Variants in PRRC2B observed in about 807,000 individuals in gnomAD.
PRRC2B encodes the protein protein PRRC2B.
A neutral mutation model predicts 242.3 loss-of-function variants in PRRC2B; 68 were observed. The observed-to-expected ratio is 0.28, with a 90% CI of 0.23 to 0.34. PRRC2B has a LOEUF of 0.34. Among genes scored for constraint, PRRC2B ranks in the 10% least tolerant of loss-of-function variants. The pLI is 1.00. For synonymous variants in PRRC2B, 1,228 were observed against 1,173.6 expected, an observed-to-expected ratio of 1.05 and a Z score of -0.95; for missense variants, 2,835 against 2,954.8, an observed-to-expected ratio of 0.96 and a Z score of 0.94.
At chr9:131,493,863 C>T (rs1004436692) in intron 30 of PRRC2B, among the ~76,000 whole-genome samples, 10 of 151,708 alleles carry the variant, frequency 6.6e-5, no homozygotes, top group African/African-American at 2.4e-4. Context: ...GCTTTTTGAC[C>T]GCAGACTTTT....
Position 131,474,752 on chromosome 9 carries a change from C to G in PRRC2B, c.2623C>G (p.His875Asp), listed in dbSNP as rs1269396640. ...AGAGTGTGGCAGTTGGGATGTTAGC[C>G]ACCAGCCAGAGACCGCTGACACAGC... ...KPECGSWDVS[H>D]QPETADTAHG... is the part of the protein sequence containing the mutation. Residue 875 changes from histidine to aspartate, a missense_variant, in exon 16 of 32, where the codon CAC (histidine) becomes GAC (aspartate). Coordinates refer to ENST00000683519, the MANE Select transcript of PRRC2B (RefSeq NM_013318.4). The G allele has an allele frequency of 6.2e-7, 1 of 1,612,532 alleles. No homozygotes were observed. The highest frequency in any genetic ancestry group is 1.1e-5 in the South Asian group (1 of 90,890).
At chr9:131,404,134 T>C (rs1395723124) in intron 1 of PRRC2B, among the ~76,000 whole-genome samples, 1 of 151,992 alleles carries the variant, frequency 6.6e-6, no homozygotes, top group African/African-American at 2.4e-5. Context: ...TTAAAAATAA[T>C]GTTAGGTTTC....
At chr9:131,478,400 C>T (rs1211385304) in intron 17 of PRRC2B, 74 bp from the exon 18 acceptor site, 12 of 1,412,790 alleles carry the variant, frequency 8.5e-6, no homozygotes, top group African/African-American at 4.3e-5. Flanking sequence ...AGATCTCAGG[C>T]GCCTGTTGAA....
At chr9:131,477,497 A>G (rs1943737788) in intron 16 of PRRC2B, among the ~76,000 whole-genome samples, 1 of 152,076 alleles carries the variant, frequency 6.6e-6, no homozygotes, top group African/African-American at 2.4e-5. Flanking sequence ...TGAACATAGC[A>G]TGTGGGAGAG....
At chr9:131,491,234 C>T (rs533513617) in intron 28 of PRRC2B, 191 bp from the exon 29 acceptor site, 137 of 552,036 alleles carry the variant, frequency 2.5e-4, no homozygotes, top group Non-Finnish European at 3.8e-4. Flanking sequence ...CCTCTGCCAT[C>T]GAAGGTGTGA....
intron 14 of PRRC2B, among the ~76,000 whole-genome samples, chr9:131,471,898 T>C (rs561029882): frequency 6.6e-6 from 1 of 152,338 alleles, no homozygotes; most frequent in South Asian, 2.1e-4. Flanking sequence ...TCATTGCAAG[T>C]TTTTATCCCT....
At chr9:131,406,879 C>CT (rs1554757610) in intron 1 of PRRC2B, among the ~76,000 whole-genome samples, 1 of 152,154 alleles carries the variant, frequency 6.6e-6, no homozygotes, top group Non-Finnish European at 1.5e-5. Context: ...TCCTTCTTCC[C>CT]TGCTGTTTCT....
chr9:131,439,115 T>A, intron 5 of PRRC2B, 54 bp downstream of exon 5: 4 of 1,405,746 alleles, frequency 2.8e-6, no homozygotes, highest in Non-Finnish European at 4.0e-6. Context: ...GGGAGGTGAA[T>A]GCCTTTTCCA....
chr9:131,470,916 C>T lies in PRRC2B; in HGVS notation c.2040C>T (p.Tyr680=). 1 of 1,611,622 alleles carries T rather than the reference C, an allele frequency of 6.2e-7. No homozygotes were observed. The highest frequency in any genetic ancestry group is 8.5e-7 in the Non-Finnish European group (1 of 1,178,558). The part of the protein sequence containing the change: ...FDPRWMMMPS[Y]MDPRITPTRT... ...CCAGGTGGATGATGATGCCTTCCTACATGGACCCACGTATCACGCCCACTC... is the reference window on the plus strand; with the variant it reads ...CCAGGTGGATGATGATGCCTTCCTATATGGACCCACGTATCACGCCCACTC... Residue 680 remains tyrosine, a synonymous_variant, in exon 14 of 32, where the codon TAC becomes TAT. Transcript: ENST00000683519.
intron 1 of PRRC2B, among the ~76,000 whole-genome samples, chr9:131,403,200 C>CGACCT (rs1178401109): frequency 6.6e-6 from 1 of 152,138 alleles, no homozygotes; most frequent in Admixed American, 6.5e-5. Flanking sequence ...CCTGCCCAAC[C>CGACCT]GACCTGTCGG....
At chr9:131,416,135 G>A (rs953468356) in intron 1 of PRRC2B, among the ~76,000 whole-genome samples, 1 of 149,728 alleles carries the variant, frequency 6.7e-6, no homozygotes, top group African/African-American at 2.5e-5. Context: ...TTAAGACAGT[G>A]TCTTGCTCTG....
chr9:131,475,665 G>T lies in PRRC2B; in HGVS notation c.3536G>T (p.Arg1179Leu), dbSNP rs932411062. ...AAGGGCGACTGCAGAGATTCTTGGC[G>T]GTCCAACAAGGGGTGCTCTGAGGAC... Reference protein sequence around the residue: ...LKKGDCRDSWRSNKGCSEDHS... With the variant: ...LKKGDCRDSWLSNKGCSEDHS... Residue 1179 changes from arginine to leucine, a missense_variant, in exon 16 of 32, where the codon CGG (arginine) becomes CTG (leucine). By Grantham distance (102) the Arg-to-Leu change is moderately radical (BLOSUM62 -2). Coordinates refer to ENST00000683519, the MANE Select transcript of PRRC2B (RefSeq NM_013318.4). 1 of 1,611,004 alleles carries T rather than the reference G, an allele frequency of 6.2e-7. No homozygotes were observed. The highest frequency in any genetic ancestry group is 8.5e-7 in the Non-Finnish European group (1 of 1,178,536).
intron 8 of PRRC2B, 23 bp from the exon 9 acceptor site, chr9:131,447,639 T>G (rs2131390453): frequency 6.4e-7 from 1 of 1,568,154 alleles, no homozygotes; most frequent in East Asian, 2.3e-5. Context: ...TGGACATGAT[T>G]CCATCATCTT....
At chr9:131,443,147 T>C (rs1334571693) in intron 5 of PRRC2B, among the ~76,000 whole-genome samples, 1 of 151,454 alleles carries the variant, frequency 6.6e-6, no homozygotes, top group Non-Finnish European at 1.5e-5. Flanking sequence ...TTATTTTTTT[T>C]TTTTGAGACG....
intron 1 of PRRC2B, among the ~76,000 whole-genome samples, chr9:131,416,758 C>T (rs115712657): frequency 0.018 from 2,690 of 151,946 alleles, 84 homozygotes; most frequent in African/African-American, 0.061. Flanking sequence ...GAATGTTCCT[C>T]GATTTGGGAT....
chr9:131,488,624 C>T (rs1478855623), intron 28 of PRRC2B, among the ~76,000 whole-genome samples: 1 of 152,130 alleles, frequency 6.6e-6, no homozygotes, highest in African/African-American at 2.4e-5. Flanking sequence ...CTCCTGCAGC[C>T]CCCAGACGGG....
rs951723887 is a variant in PRRC2B at position 131,388,692 on chromosome 9, C to T, written c.-56+14961C>T. On this transcript the variant is annotated intron_variant, in intron 1 of 1. Transcript: ENST00000682525. ...CTGAATAGCTAGGACTACAGGCACA[C>T]GCCACTATGCTCAGCTAATTTTTGT... Among the ~76,000 whole-genome samples, 8 of 148,894 alleles carry T rather than the reference C, an allele frequency of 5.4e-5. 1 individual carries two copies. Among genetic ancestry groups the T allele is most frequent in the Non-Finnish European group, 1.0e-4 (7 of 67,244 alleles).
intron 10 of PRRC2B, among the ~76,000 whole-genome samples, chr9:131,458,693 T>G (rs1200525541): frequency 5.9e-5 from 9 of 152,060 alleles, no homozygotes. Flanking sequence ...AGTAGAGACT[T>G]GGTTTCACCA....
At chr9:131,483,999 G>C (rs769913542) in intron 23 of PRRC2B, among the ~76,000 whole-genome samples, 1 of 152,208 alleles carries the variant, frequency 6.6e-6, no homozygotes, top group Non-Finnish European at 1.5e-5. Context: ...TATCATTTGG[G>C]CAGCGTTTCC....
Sources: gnomAD v4.1 joint callset for allele counts (sites outside exome capture counted in the v4.1 genomes callset) on GRCh38, gnomAD v4.1.1 for gene constraint, MANE v1.5 for transcripts, NCBI Gene and HGNC (gene_info 2026-07-23, HGNC 2026-07-21) for gene names.